The following PCYT1A variants were observed in gnomAD, a reference collection of about 807,000 sequenced individuals.
PCYT1A encodes phosphate cytidylyltransferase 1A, choline.
A neutral mutation model predicts 43.7 loss-of-function variants in PCYT1A; 25 were observed. The ratio of observed to expected loss-of-function variants is 0.57; its 90% CI spans 0.42 to 0.80. The LOEUF (loss-of-function observed/expected upper bound fraction) is 0.80, where lower values mean the gene tolerates loss of function less well. Among genes scored for constraint, PCYT1A ranks in the 30% least tolerant of loss-of-function variants. The pLI, the probability that PCYT1A is intolerant of heterozygous loss-of-function variation, is 0.00. For missense variants in PCYT1A, 421 were observed against 474.2 expected (o/e 0.89, Z 1.04); for synonymous variants, 172 against 170.7 (o/e 1.01, Z -0.06).
chr3:196,279,196 G>A (rs1169998943), intron 1 of PCYT1A, among the ~76,000 whole-genome samples: 2 of 150,178 alleles, frequency 1.3e-5, no homozygotes, highest in Admixed American at 6.7e-5. Flanking sequence ...ACTGAGGCAG[G>A]AGAATCATTT....
chr3:196,236,489 T>C lies in PCYT1A; in HGVS notation c.*2199A>G, dbSNP rs1337886896. The C allele has an allele frequency of 6.6e-6, 1 of 152,146 alleles. No homozygotes were observed. The highest frequency in any genetic ancestry group is 2.4e-5 in the African/African-American group (1 of 41,370). The allele number at this position is 152,146 out of a possible 1,614,324, so 9.4% of individuals were successfully genotyped here. Reference sequence around the variant, plus strand: ...ACAGGATTCCAAGCCAAAGCTTGTATGACCAGATTTAAGAGTAAGAACTGC... The same window carrying C: ...ACAGGATTCCAAGCCAAAGCTTGTACGACCAGATTTAAGAGTAAGAACTGC... On this transcript the variant is annotated 3_prime_UTR_variant, in exon 9 of 9. Transcript: ENST00000431016.
chr3:196,248,359 CTTTT>C, intron 3 of PCYT1A, 36 bp from the exon 4 acceptor site: 1 of 1,232,788 alleles, frequency 8.1e-7, no homozygotes, highest in Non-Finnish European at 1.2e-6. Flanking sequence ...ACAAAAATAC[CTTTT>C]TTTTTGTCAT....
chr3:196,266,452 G>A (rs1327090594), intron 2 of PCYT1A, among the ~76,000 whole-genome samples: 11 of 151,740 alleles, frequency 7.2e-5, no homozygotes, highest in Non-Finnish European at 1.6e-4. Flanking sequence ...CAGCCTGGGC[G>A]ACAGAGCAAG....
rs1392157608 is a variant in PCYT1A, at chr3:196,277,986, C to T, written c.-10-7445G>A. 6.6e-6 allele frequency among the ~76,000 whole-genome samples: 1 copy of T among 152,182 alleles called. No individual in the cohort carries two copies. The highest frequency in any genetic ancestry group is 1.5e-5 in the Non-Finnish European group (1 of 68,042). Reference sequence around the variant, plus strand: ...TTCTCTCACATCTACTAACTTATAACCGCAGCACCAAAGCATACAGAATAA... The same window carrying T: ...TTCTCTCACATCTACTAACTTATAATCGCAGCACCAAAGCATACAGAATAA... On this transcript the variant is annotated intron_variant, in intron 1 of 8. Coordinates refer to ENST00000431016, the MANE Select transcript of PCYT1A (RefSeq NM_001312673.2). The surrounding 1 kb of genome is among the most constrained non-coding windows in gnomAD (Gnocchi z 4.1).
Position 196,236,854 on chromosome 3 carries a change from A to T in PCYT1A, c.*1834T>A, listed in dbSNP as rs1189789233. On this transcript the variant is annotated 3_prime_UTR_variant, in exon 9 of 9. Coordinates refer to ENST00000431016, the MANE Select transcript of PCYT1A (RefSeq NM_001312673.2). ...GCTAATTTTTGTATTTTTAGTAGAGATGGGGTTTCACCACGTTGGTCAGGC... is the reference window on the plus strand; with the variant it reads ...GCTAATTTTTGTATTTTTAGTAGAGTTGGGGTTTCACCACGTTGGTCAGGC... 1 of 152,020 alleles carries T rather than the reference A, an allele frequency of 6.6e-6. No individual in the cohort carries two copies. Among genetic ancestry groups the T allele is most frequent in the Non-Finnish European group, 1.5e-5 (1 of 68,036 alleles). The allele number at this position is 152,020 out of a possible 1,614,324, so 9.4% of individuals were successfully genotyped here.
rs747271696 is a variant in PCYT1A, at chr3:196,234,644, C to T, written c.*4044G>A. 2 of 152,196 alleles carry T rather than the reference C, an allele frequency of 1.3e-5. No individual in the cohort carries two copies. The highest frequency in any genetic ancestry group is 2.9e-5 in the Non-Finnish European group (2 of 68,040). The allele number at this position is 152,196 out of a possible 1,614,324, so 9.4% of individuals were successfully genotyped here. A position where few individuals can be genotyped will look rare whatever the true frequency, so the allele number is the denominator to read the frequency against. On this transcript the variant is annotated 3_prime_UTR_variant, in exon 9 of 9. Transcript: ENST00000431016. ...TTCCCCCTCAAAAGGCGGGAAGGCC[C>T]ACTTCAAACCTCCAGGAACACAACC...
At chr3:196,259,207 C>G (rs781200010) in intron 2 of PCYT1A, among the ~76,000 whole-genome samples, 14 of 152,130 alleles carry the variant, frequency 9.2e-5, no homozygotes, top group Non-Finnish European at 1.6e-4. Context: ...GGGCCTGGAC[C>G]TGTCTTTGTG....
intron 2 of PCYT1A, among the ~76,000 whole-genome samples, chr3:196,264,074 TA>T (rs1221088037): frequency 6.6e-6 from 1 of 152,214 alleles, no homozygotes; most frequent in Non-Finnish European, 1.5e-5. Flanking sequence ...TGTACTAAGT[TA>T]AACTCTTTGT....
chr3:196,250,776 G>A (rs1034052478), intron 3 of PCYT1A: 1 of 166,144 alleles, frequency 6.0e-6, no homozygotes, highest in Admixed American at 6.5e-5. Flanking sequence ...CCGAGGTTGA[G>A]GACCAGATAC....
Position 196,247,540 on chromosome 3 carries a change from T to C in PCYT1A, c.335-22A>G. 1 of 1,613,324 alleles carries C rather than the reference T, an allele frequency of 6.2e-7. No individual in the cohort carries two copies. The highest frequency in any genetic ancestry group is 1.1e-5 in the South Asian group (1 of 91,054). ...CAAACTGGTTCACCACATCATAAATTGTGTGTTGGAGTCCTCTTTGCTTAG... is the reference window on the plus strand; with the variant it reads ...CAAACTGGTTCACCACATCATAAATCGTGTGTTGGAGTCCTCTTTGCTTAG... On this transcript the variant is annotated intron_variant, in intron 4 of 8. Transcript: ENST00000431016. This position sits in a 1 kb window ranked among gnomAD's most constrained non-coding sequence, Gnocchi z 4.8.
chr3:196,285,315 C>T (rs1248117609), intron 1 of PCYT1A, among the ~76,000 whole-genome samples: 1 of 152,048 alleles, frequency 6.6e-6, no homozygotes, highest in Non-Finnish European at 1.5e-5. Context: ...AAAAATTAGC[C>T]AGGCATGGTG....
At chr3:196,285,266 C>A (rs1351871938) in intron 1 of PCYT1A, among the ~76,000 whole-genome samples, 1 of 152,084 alleles carries the variant, frequency 6.6e-6, no homozygotes, top group Non-Finnish European at 1.5e-5. Flanking sequence ...TGAGACCAGC[C>A]TGGCCAACGT....
At chr3:196,285,802 T>G (rs1725894572) in intron 1 of PCYT1A, among the ~76,000 whole-genome samples, 1 of 152,190 alleles carries the variant, frequency 6.6e-6, no homozygotes, top group Non-Finnish European at 1.5e-5. Context: ...CTGCACTAAA[T>G]CCCATTCTCA....
Position 196,242,556 on chromosome 3 carries a change from A to G in PCYT1A, c.565+6T>C. Reference sequence around the variant, plus strand: ...CCCCTACAGTGAGGAAGCACAGCTCACTCACCTGCCTCCTTGATGTGCTTA... The same window carrying G: ...CCCCTACAGTGAGGAAGCACAGCTCGCTCACCTGCCTCCTTGATGTGCTTA... On this transcript the variant is annotated splice_donor_region_variant and intron_variant, in intron 6 of 8. Transcript: ENST00000431016. This position sits in a 1 kb window ranked among gnomAD's most constrained non-coding sequence, Gnocchi z 4.2. 1 of 1,581,912 alleles carries G rather than the reference A, an allele frequency of 6.3e-7. No individual in the cohort carries two copies. The highest frequency in any genetic ancestry group is 8.7e-7 in the Non-Finnish European group (1 of 1,150,544).
At chr3:196,262,864 A>C (rs1725156337) in intron 2 of PCYT1A, among the ~76,000 whole-genome samples, 1 of 147,468 alleles carries the variant, frequency 6.8e-6, no homozygotes, top group South Asian at 2.1e-4. Context: ...GCGCGATCTC[A>C]GCTCACTGCA....
chr3:196,270,324 T>C, intron 2 of PCYT1A, 91 bp downstream of exon 2: 1 of 841,654 alleles, frequency 1.2e-6, no homozygotes, highest in East Asian at 2.4e-5. Context: ...TACTATTCCT[T>C]CTTTTCATTA....
rs60342446 is a variant in PCYT1A, at chr3:196,253,336, C to CAAAAAAAAAAAAAA, written c.217+4438_217+4451dup. On this transcript the variant is annotated intron_variant, in intron 3 of 8. Coordinates refer to ENST00000431016, the MANE Select transcript of PCYT1A (RefSeq NM_001312673.2). ...TGCGAGACAGAGCAAGACTCTGTCT[C>CAAAAAAAAAAAAAA]AAAAAAAAAAAAAATTGAAGTATCC... is the stretch of plus-strand genomic sequence containing the variant. Among the ~76,000 whole-genome samples the CAAAAAAAAAAAAAA allele has an allele frequency of 5.7e-4, 60 of 105,860 alleles. 2 individuals carry two copies. The highest frequency in any genetic ancestry group is 1.1e-3 in the African/African-American group (32 of 28,478). 69.4% of individuals were successfully genotyped at this position (105,860 alleles called of 152,430 possible).
At chr3:196,284,824 T>G (rs1725860799) in intron 1 of PCYT1A, among the ~76,000 whole-genome samples, 1 of 152,222 alleles carries the variant, frequency 6.6e-6, no homozygotes, top group African/African-American at 2.4e-5. Context: ...GGAGTACTGC[T>G]GAATCCCAAG....
Position 196,242,553 on chromosome 3 carries a change from C to T in PCYT1A, c.565+9G>A. The T allele has an allele frequency of 6.3e-7, 1 of 1,587,304 alleles. No individual in the cohort carries two copies. On this transcript the variant is annotated intron_variant, in intron 6 of 8. Coordinates refer to ENST00000431016, the MANE Select transcript of PCYT1A (RefSeq NM_001312673.2). This position sits in a 1 kb window ranked among gnomAD's most constrained non-coding sequence, Gnocchi z 4.2. Reference sequence around the variant, plus strand: ...GATCCCCTACAGTGAGGAAGCACAGCTCACTCACCTGCCTCCTTGATGTGC... The same window carrying T: ...GATCCCCTACAGTGAGGAAGCACAGTTCACTCACCTGCCTCCTTGATGTGC...
Sources: gnomAD v4.1 joint callset for allele counts (sites outside exome capture counted in the v4.1 genomes callset) on GRCh38, gnomAD v4.1.1 for gene constraint, Gnocchi (gnomAD v3.1) non-coding constraint, MANE v1.5 for transcripts, NCBI Gene and HGNC (gene_info 2026-07-23, HGNC 2026-07-21) for gene names.